NR4A2: variants seen among roughly 807,000 people sequenced by gnomAD.
NR4A2 encodes the protein nuclear receptor subfamily 4 group A member 2.
Under a neutral mutation model 50.5 loss-of-function variants are expected in NR4A2, and 1 was observed. The observed-to-expected ratio is 0.02, with a 90% CI of 0.01 to 0.09. The LOEUF is 0.09. Among genes scored for constraint, NR4A2 ranks in the 10% least tolerant of loss-of-function variants. The pLI, the probability that NR4A2 is intolerant of heterozygous loss-of-function variation, is 1.00. For synonymous variants in NR4A2, 328 were observed against 309.4 expected, an observed-to-expected ratio of 1.06 and a Z score of -0.63; for missense variants, 613 against 777.3, an observed-to-expected ratio of 0.79 and a Z score of 2.51.
rs376311664 is a variant in NR4A2 at position 156,327,900 on chromosome 2, C to T, written c.1109G>A (p.Arg370Lys). 1.3e-6 allele frequency: 2 copies of T among 1,595,420 alleles called. No homozygotes were observed. The highest frequency in any genetic ancestry group is 2.7e-5 in the African/African-American group (2 of 74,688). Residue 370 changes from arginine (R) to lysine (K), a missense_variant, in exon 5 of 8, where the codon AGG (arginine) becomes AAG (lysine). Arg to Lys is a conservative substitution (Grantham distance 26, BLOSUM62 2). Around this residue, in one of 4 missense-constraint regions of NR4A2, gnomAD observed 250 missense variants for 311.3 expected, o/e 0.80. Transcript: ENST00000339562. ...AGCCGGGTTGGAGTCGACATGGGCC[C>T]TGACGAGGGCACTGATCAGACTCAC... ...PPVSLISALV[R>K]AHVDSNPAMT... is the part of the protein sequence containing the mutation.
At chr2:156,327,084 G>A (rs545193185) in intron 5 of NR4A2, among the ~76,000 whole-genome samples, 164 bp from the exon 6 acceptor site, 1 of 152,306 alleles carries the variant, frequency 6.6e-6, no homozygotes, top group South Asian at 2.1e-4. Context: ...TTCAATTAGG[G>A]ATGGTGCTAC....
At position 156,327,305 on chromosome 2, in the gene NR4A2, C is replaced by T. The variant is rs559997301; in HGVS notation, c.1159-385G>A. 3.9e-5 allele frequency among the ~76,000 whole-genome samples: 6 copies of T among 152,250 alleles called. No individual in the cohort carries two copies. In the East Asian group the frequency reaches 9.7e-4, roughly 24 times the overall value. Reference sequence around the variant, plus strand: ...CCAGGTTTGCTCAACATACTTCCTCCAATTAAAGCCCGCATATTTTTCACA... The same window carrying T: ...CCAGGTTTGCTCAACATACTTCCTCTAATTAAAGCCCGCATATTTTTCACA... On this transcript the variant is annotated intron_variant, in intron 5 of 7. Transcript: ENST00000339562.
intron 1 of NR4A2, among the ~76,000 whole-genome samples, chr2:156,331,071 G>C (rs932824305): frequency 2.3e-4 from 35 of 152,234 alleles, no homozygotes; most frequent in Admixed American, 1.5e-3. Context: ...ATGATGTAAT[G>C]AACTGGCCCC....
chr2:156,329,250 G>T lies in NR4A2; in HGVS notation c.864+73C>A. The T allele has an allele frequency of 6.4e-7, 1 of 1,553,898 alleles. No individual in the cohort carries two copies. On this transcript the variant is annotated intron_variant, in intron 3 of 7. Coordinates refer to ENST00000339562, the MANE Select transcript of NR4A2 (RefSeq NM_006186.4). The surrounding 1 kb of genome is among the most constrained non-coding windows in gnomAD (Gnocchi z 7.5). ...CTGGGGCTGGGCTACTGGCACCAAG[G>T]CAGAGGGCACACTCCGAGGTCCCGG...
In NR4A2 at chr2:156,332,528, C is replaced by T; in HGVS notation, c.-175G>A. The T allele has an allele frequency of 7.8e-7, 1 of 1,289,024 alleles. No individual in the cohort carries two copies. Among genetic ancestry groups the T allele is most frequent in the Non-Finnish European group, 1.0e-6 (1 of 988,578 alleles). The allele number at this position is 1,289,024 out of a possible 1,614,324, so 79.8% of individuals were successfully genotyped here. A position where few individuals can be genotyped will look rare whatever the true frequency, so the allele number is the denominator to read the frequency against. On this transcript the variant is annotated 5_prime_UTR_variant, in exon 1 of 8. Transcript: ENST00000339562. ...TCATTCATTCAACTCTGCCGAAGTG[C>T]AGTTCCCTCTGGGAGCCCGGGCGCC... is the stretch of plus-strand genomic sequence containing the variant.
Position 156,329,253 on chromosome 2 carries a change from G to T in NR4A2, c.864+70C>A. On this transcript the variant is annotated intron_variant, in intron 3 of 7. Transcript: ENST00000339562. This position sits in a 1 kb window ranked among gnomAD's most constrained non-coding sequence, Gnocchi z 7.5. ...GGGCTGGGCTACTGGCACCAAGGCA[G>T]AGGGCACACTCCGAGGTCCCGGGCA... 7.1e-6 allele frequency: 11 copies of T among 1,558,370 alleles called. No individual in the cohort carries two copies. The highest frequency in any genetic ancestry group is 9.6e-6 in the Non-Finnish European group (11 of 1,150,100).
rs1686851747 is a variant in NR4A2, at chr2:156,329,987, T to C, written c.200A>G (p.Tyr67Cys). ...TGGCTTGACGTCGTAGCCTGTGCTG[T>C]AGTTGTCCATAAAGGTACTGAAGCT... ...LPSFSTFMDNYSTGYDVKPPC... is the reference protein window; with the variant it reads ...LPSFSTFMDNCSTGYDVKPPC... Residue 67 changes from tyrosine to cysteine, a missense_variant, in exon 3 of 8, where the codon TAC (tyrosine) becomes TGC (cysteine). By Grantham distance (194) the Tyr-to-Cys change is radical. Transcript: ENST00000339562. The surrounding 1 kb of genome is among the most constrained non-coding windows in gnomAD (Gnocchi z 7.5). 1 of 1,614,072 alleles carries C rather than the reference T, an allele frequency of 6.2e-7. No individual in the cohort carries two copies. The highest frequency in any genetic ancestry group is 1.1e-5 in the South Asian group (1 of 91,088).
In NR4A2 at chr2:156,328,361, C is replaced by T. The variant is rs1406926373; in HGVS notation, c.994+43G>A. 3.7e-6 allele frequency: 6 copies of T among 1,613,898 alleles called. No homozygotes were observed. In the East Asian group the frequency reaches 1.3e-4, roughly 36 times the overall value. ...ATGCTGGAGTATGAGCAGTGGTTTC[C>T]TAAAGGCGCAAACTGGAGGGTCGGC... On this transcript the variant is annotated intron_variant, in intron 4 of 7. Transcript: ENST00000339562. This position sits in a 1 kb window ranked among gnomAD's most constrained non-coding sequence, Gnocchi z 4.9.
intron 5 of NR4A2, among the ~76,000 whole-genome samples, chr2:156,327,168 C>T (rs16840247): frequency 0.012 from 1,850 of 152,224 alleles, 30 homozygotes; most frequent in African/African-American, 0.037. Context: ...CCCTGGGAAA[C>T]GTTCACTCTT....
chr2:156,332,193 G>A (rs1686961826), intron 1 of NR4A2, among the ~76,000 whole-genome samples: 1 of 152,120 alleles, frequency 6.6e-6, no homozygotes, highest in African/African-American at 2.4e-5. Flanking sequence ...CATTTCCGCG[G>A]GCTAGTCCTC....
Position 156,328,537 on chromosome 2 carries a change from C to A in NR4A2, c.865-4G>T, listed in dbSNP as rs1323351111. On this transcript the variant is annotated splice_region_variant and splice_polypyrimidine_tract_variant and intron_variant, in intron 3 of 7. Transcript: ENST00000339562. The surrounding 1 kb of genome is among the most constrained non-coding windows in gnomAD (Gnocchi z 4.9). ...TTGCATTTTTTTGCACTGTGCGCTG[C>A]AAAAGGAGACAATATAGACCAACAT... 1.2e-5 allele frequency: 20 copies of A among 1,614,022 alleles called. No homozygotes were observed. Among genetic ancestry groups the A allele is most frequent in the African/African-American group, 1.3e-5 (1 of 74,906 alleles).
intron 1 of NR4A2, among the ~76,000 whole-genome samples, chr2:156,331,167 A>T (rs1014159175): frequency 1.3e-5 from 2 of 152,170 alleles, no homozygotes; most frequent in South Asian, 4.1e-4. Context: ...AAAATACAGC[A>T]TTGGAACCTT....
Position 156,329,258 on chromosome 2 carries a change from C to T in NR4A2, c.864+65G>A. 1.3e-6 allele frequency: 2 copies of T among 1,562,982 alleles called. No individual in the cohort carries two copies. Among genetic ancestry groups the T allele is most frequent in the Admixed American group, 1.9e-5 (1 of 53,310 alleles). On this transcript the variant is annotated intron_variant, in intron 3 of 7. Transcript: ENST00000339562. The surrounding 1 kb of genome is among the most constrained non-coding windows in gnomAD (Gnocchi z 7.5). Reference sequence around the variant, plus strand: ...GGGCTACTGGCACCAAGGCAGAGGGCACACTCCGAGGTCCCGGGCACTAGG... The same window carrying T: ...GGGCTACTGGCACCAAGGCAGAGGGTACACTCCGAGGTCCCGGGCACTAGG...
In NR4A2 at chr2:156,326,799, A is replaced by G. The variant is rs1442562671; in HGVS notation, c.1280T>C (p.Phe427Ser). The part of the protein sequence containing the change: ...IRGWAEKIPG[F>S]ADLPKADQDL... ...TTGGTCGGCTTTGGGCAGGTCTGCG[A>G]AGCCAGGGATCTTCTCTGCCCAGCC... Residue 427 changes from phenylalanine to serine, a missense_variant, in exon 6 of 8, where the codon TTC becomes TCC. By Grantham distance (155) the Phe-to-Ser change is radical (BLOSUM62 -2). Coordinates refer to ENST00000339562, the MANE Select transcript of NR4A2 (RefSeq NM_006186.4). This position sits in a 1 kb window ranked among gnomAD's most constrained non-coding sequence, Gnocchi z 4.2. The G allele has an allele frequency of 6.2e-7, 1 of 1,614,228 alleles. No individual in the cohort carries two copies. The highest frequency in any genetic ancestry group is 8.5e-7 in the Non-Finnish European group (1 of 1,180,030).
In NR4A2 at chr2:156,329,638, AG is replaced by A; in HGVS notation, c.548del (p.Pro183LeufsTer20). On this transcript the variant is annotated frameshift_variant, in exon 3 of 8. Transcript: ENST00000339562. LOFTEE classifies it high-confidence loss of function. The surrounding 1 kb of genome is among the most constrained non-coding windows in gnomAD (Gnocchi z 7.5). Reference sequence around the variant, plus strand: ...TCTGGCAACTAGACACCGGGGTGCCAGGGGGCGATTGCTTAAAGGAGAAGAG... The same window carrying A: ...TCTGGCAACTAGACACCGGGGTGCCAGGGGCGATTGCTTAAAGGAGAAGAG... ...LSLFSFKQSP[P>X]GTPVSSCQMR... 6.2e-7 allele frequency: 1 copy of A among 1,613,524 alleles called. No homozygotes were observed. The highest frequency in any genetic ancestry group is 8.5e-7 in the Non-Finnish European group (1 of 1,179,696).
intron 2 of NR4A2, 117 bp downstream of exon 2, chr2:156,330,551 A>G: frequency 9.1e-7 from 1 of 1,095,380 alleles, no homozygotes; most frequent in African/African-American, 1.6e-5. Flanking sequence ...ACAATGAGAA[A>G]GTTGTTCCCG....
Position 156,325,562 on chromosome 2 carries a change from T to G in NR4A2, c.*182A>C, listed in dbSNP as rs1686602946. On this transcript the variant is annotated 3_prime_UTR_variant, in exon 8 of 8. Coordinates refer to ENST00000339562, the MANE Select transcript of NR4A2 (RefSeq NM_006186.4). ...CAGGTTCTGCCTGCAGGTTAGGAAA[T>G]AGCAACAGTTTTTGTTTGTTTGTTT... 1.2e-6 allele frequency: 1 copy of G among 820,234 alleles called. No homozygotes were observed. Among genetic ancestry groups the G allele is most frequent in the Non-Finnish European group, 1.9e-6 (1 of 515,130 alleles). 50.8% of individuals were successfully genotyped at this position (820,234 alleles called of 1,614,324 possible).
Position 156,329,239 on chromosome 2 carries a change from C to T in NR4A2, c.864+84G>A. The T allele has an allele frequency of 6.5e-7, 1 of 1,541,080 alleles. No homozygotes were observed. Among genetic ancestry groups the T allele is most frequent in the Non-Finnish European group, 8.8e-7 (1 of 1,138,388 alleles). Reference sequence around the variant, plus strand: ...TCCCGGGAGAGCTGGGGCTGGGCTACTGGCACCAAGGCAGAGGGCACACTC... The same window carrying T: ...TCCCGGGAGAGCTGGGGCTGGGCTATTGGCACCAAGGCAGAGGGCACACTC... On this transcript the variant is annotated intron_variant, in intron 3 of 7. Coordinates refer to ENST00000339562, the MANE Select transcript of NR4A2 (RefSeq NM_006186.4). The surrounding 1 kb of genome is among the most constrained non-coding windows in gnomAD (Gnocchi z 7.5).
rs898497185 is a variant in NR4A2, at chr2:156,325,056, C to A, written c.*688G>T. 3 of 152,916 alleles carry A rather than the reference C, an allele frequency of 2.0e-5. No individual in the cohort carries two copies. The highest frequency in any genetic ancestry group is 7.2e-5 in the African/African-American group (3 of 41,420). The allele number at this position is 152,916 out of a possible 1,614,324, so 9.5% of individuals were successfully genotyped here. On this transcript the variant is annotated 3_prime_UTR_variant, in exon 8 of 8. Coordinates refer to ENST00000339562, the MANE Select transcript of NR4A2 (RefSeq NM_006186.4). ...GCCTATAACATTTTCAACCTAGAATCAACATGCTTGTCCCTTTTTTATGTA... is the reference window on the plus strand; with the variant it reads ...GCCTATAACATTTTCAACCTAGAATAAACATGCTTGTCCCTTTTTTATGTA...
Sources: gnomAD v4.1 joint callset for allele counts (sites outside exome capture counted in the v4.1 genomes callset) on GRCh38, gnomAD v4.1.1 for gene constraint, gnomAD v4.1.1 regional missense constraint, Gnocchi (gnomAD v3.1) non-coding constraint, MANE v1.5 for transcripts, NCBI Gene and HGNC (gene_info 2026-07-23, HGNC 2026-07-21) for gene names.